The following A1CF variants were observed in gnomAD, a reference collection of about 807,000 sequenced individuals.
A1CF encodes APOBEC-1 stimulating protein.
Under a neutral mutation model 68.9 loss-of-function variants are expected in A1CF, and 48 were observed. The observed-to-expected ratio is 0.70, with a 90% CI of 0.55 to 0.89. The LOEUF is 0.89. A1CF is among the 40% of genes least tolerant of loss of function. The pLI, the probability that A1CF is intolerant of heterozygous loss-of-function variation, is 0.00. For missense variants in A1CF, 653 were observed against 718.9 expected, an observed-to-expected ratio of 0.91 and a Z score of 1.05; for synonymous variants, 272 against 260.4, an observed-to-expected ratio of 1.04 and a Z score of -0.43.
At chr10:50,859,219 T>C (rs1840624038) in intron 3 of A1CF, among the ~76,000 whole-genome samples, 1 of 152,266 alleles carries the variant, frequency 6.6e-6, no homozygotes, top group African/African-American at 2.4e-5. Flanking sequence ...AAATGCAGCA[T>C]AAGTTCTCTA....
chr10:50,856,559 T>G (rs958162250), intron 3 of A1CF, among the ~76,000 whole-genome samples: 6 of 152,118 alleles, frequency 3.9e-5, no homozygotes, highest in African/African-American at 1.4e-4. Flanking sequence ...TCTCTAAAAT[T>G]GCAATCTTAA....
chr10:50,883,104 T>A (rs563179987), intron 1 of A1CF, among the ~76,000 whole-genome samples: 1 of 152,336 alleles, frequency 6.6e-6, no homozygotes, highest in South Asian at 2.1e-4. Flanking sequence ...TTAATCAAAA[T>A]TTTTTATGTA....
intron 5 of A1CF, among the ~76,000 whole-genome samples, chr10:50,838,220 G>T (rs948493186): frequency 2.6e-5 from 4 of 152,138 alleles, no homozygotes; most frequent in African/African-American, 9.7e-5. Context: ...TCTGACCAGG[G>T]TTAGGCCACT....
intron 3 of A1CF, among the ~76,000 whole-genome samples, chr10:50,844,367 T>G (rs938305465): frequency 6.7e-6 from 1 of 148,360 alleles, no homozygotes; most frequent in Non-Finnish European, 1.5e-5. Context: ...AGGCAAATAT[T>G]TTTTTTTTCT....
chr10:50,822,686 A>G (rs1838734032), intron 7 of A1CF: 1 of 152,222 alleles, frequency 6.6e-6, no homozygotes, highest in African/African-American at 2.4e-5. Context: ...GCTCTCTGAG[A>G]CCATGAAGCA....
At chr10:50,842,966 C>A (rs1839847338) in intron 4 of A1CF, among the ~76,000 whole-genome samples, 1 of 152,178 alleles carries the variant, frequency 6.6e-6, no homozygotes, top group South Asian at 2.1e-4. Context: ...CTCCCTTCTA[C>A]TCCACAACTG....
intron 7 of A1CF, among the ~76,000 whole-genome samples, chr10:50,823,789 T>TTG (rs1318943347): frequency 6.6e-6 from 1 of 152,176 alleles, no homozygotes; most frequent in African/African-American, 2.4e-5. Context: ...TAATTATCTT[T>TTG]TGTGTCTCTC....
rs1198564013 is a variant in A1CF at position 50,810,304 on chromosome 10, C to A, written c.1461-262G>T. ...TGGCTTTTCTAAAGCACAAGTGAAACAAATTGTTCCTAAAATATATAGAAA... is the reference window on the plus strand; with the variant it reads ...TGGCTTTTCTAAAGCACAAGTGAAAAAAATTGTTCCTAAAATATATAGAAA... On this transcript the variant is annotated intron_variant, in intron 11 of 12. Coordinates refer to ENST00000373997, the MANE Select transcript of A1CF (RefSeq NM_014576.4). Among the ~76,000 whole-genome samples the A allele has an allele frequency of 3.3e-5, 5 of 152,090 alleles. No individual in the cohort carries two copies. In the East Asian group the frequency reaches 9.6e-4, roughly 29 times the overall value.
chr10:50,876,128 C>T (rs1439532622), intron 1 of A1CF, among the ~76,000 whole-genome samples: 1 of 152,156 alleles, frequency 6.6e-6, no homozygotes, highest in African/African-American at 2.4e-5. Flanking sequence ...AAGCCAAATT[C>T]ATGTCTATTC....
chr10:50,816,417 G>A (rs1838376599), intron 8 of A1CF, 138 bp from the exon 9 acceptor site: 1 of 1,067,534 alleles, frequency 9.4e-7, no homozygotes, highest in Non-Finnish European at 1.3e-6. Context: ...TCATTTTATA[G>A]GTTTGTTTTG....
chr10:50,814,117 A>G (rs1405102554), intron 9 of A1CF, 79 bp from the exon 10 acceptor site: 2 of 1,532,272 alleles, frequency 1.3e-6, no homozygotes, highest in Non-Finnish European at 1.8e-6. Flanking sequence ...ATCACCCTGA[A>G]TCTTACTGTA....
chr10:50,810,168 C>A (rs1019369439), intron 11 of A1CF, 126 bp from the exon 12 acceptor site: 2 of 1,100,932 alleles, frequency 1.8e-6, no homozygotes, highest in African/African-American at 3.2e-5. Flanking sequence ...GTTTTTCATT[C>A]TGTTTGCTAT....
chr10:50,824,142 G>A (rs1838807661), intron 7 of A1CF: 1 of 152,086 alleles, frequency 6.6e-6, no homozygotes, highest in South Asian at 2.1e-4. Context: ...TGCAGACTGT[G>A]CCCTGAAATC....
rs1837708417 is a variant in A1CF at position 50,803,779 on chromosome 10, C to G, written c.*2950G>C. On this transcript the variant is annotated 3_prime_UTR_variant, in exon 13 of 13. Transcript: ENST00000373997. ...TAAATTATTGTTTTGTTATTATCAC[C>G]TGGTTGGGTGACAAATTTTAATTTT... 1 of 152,056 alleles carries G rather than the reference C, an allele frequency of 6.6e-6. No individual in the cohort carries two copies. The highest frequency in any genetic ancestry group is 1.5e-5 in the Non-Finnish European group (1 of 68,012). The allele number at this position is 152,056 out of a possible 1,614,324, so 9.4% of individuals were successfully genotyped here.
At chr10:50,855,968 A>G (rs1840459716) in intron 3 of A1CF, among the ~76,000 whole-genome samples, 1 of 151,924 alleles carries the variant, frequency 6.6e-6, no homozygotes, top group African/African-American at 2.4e-5. Context: ...TTCTTTTTGG[A>G]TAATCATATT....
At chr10:50,860,214 A>G (rs1037630978) in intron 2 of A1CF, among the ~76,000 whole-genome samples, 1 of 152,210 alleles carries the variant, frequency 6.6e-6, no homozygotes, top group Non-Finnish European at 1.5e-5. Context: ...AACAATACCC[A>G]TTCTCCAATT....
intron 5 of A1CF, among the ~76,000 whole-genome samples, chr10:50,840,861 C>T (rs1359762681): frequency 2.0e-5 from 3 of 152,172 alleles, no homozygotes; most frequent in Non-Finnish European, 4.4e-5. Flanking sequence ...ATGGCACTAA[C>T]AAGTTCACAG....
chr10:50,842,031 T>TAA, intron 4 of A1CF, 39 bp from the exon 5 acceptor site: 27 of 1,558,764 alleles, frequency 1.7e-5, no homozygotes, highest in Non-Finnish European at 2.4e-5. Flanking sequence ...ATTTATACGT[T>TAA]TGTACTTCTG....
At chr10:50,809,787 A>G in intron 12 of A1CF, 107 bp downstream of exon 12, 1 of 1,493,932 alleles carries the variant, frequency 6.7e-7, no homozygotes. Flanking sequence ...TGCAAGTCAG[A>G]TTGCTGTAAG....
Sources: gnomAD v4.1 joint callset for allele counts (sites outside exome capture counted in the v4.1 genomes callset) on GRCh38, gnomAD v4.1.1 for gene constraint, MANE v1.5 for transcripts, NCBI Gene and HGNC (gene_info 2026-07-23, HGNC 2026-07-21) for gene names.